The following ABCC1 variants were observed in gnomAD, a reference collection of about 807,000 sequenced individuals.
ABCC1 encodes the protein multidrug resistance-associated protein 1.
Under a neutral mutation model 172.9 loss-of-function variants are expected in ABCC1, and 83 were observed. The observed-to-expected ratio is 0.48, with a 90% CI of 0.40 to 0.58. The LOEUF is 0.58. Among genes scored for constraint, ABCC1 ranks in the 20% least tolerant of loss-of-function variants. ABCC1 has a pLI of 0.00. For missense variants in ABCC1, 1,817 were observed against 2,002.7 expected (o/e 0.91, Z 1.77); for synonymous variants, 937 against 825.2 (o/e 1.14, Z -2.32).
intron 15 of ABCC1, among the ~76,000 whole-genome samples, chr16:16,077,783 G>C (rs1313928386): frequency 6.6e-6 from 1 of 152,230 alleles, no homozygotes; most frequent in African/African-American, 2.4e-5. Context: ...AGCACTTTGG[G>C]AGGCCAAGGT....
intron 1 of ABCC1, among the ~76,000 whole-genome samples, chr16:15,953,058 G>A (rs2045912820): frequency 6.6e-6 from 1 of 151,676 alleles, no homozygotes; most frequent in African/African-American, 2.4e-5. Flanking sequence ...AAAGAGGGCC[G>A]GGTGTAGTAG....
intron 21 of ABCC1, among the ~76,000 whole-genome samples, chr16:16,108,913 C>T (rs190652357): frequency 1.3e-5 from 2 of 151,778 alleles, no homozygotes; most frequent in East Asian, 2.0e-4. Context: ...ATTTCTGACC[C>T]CCGAGCCCAC....
chr16:16,088,401 C>T lies in ABCC1; in HGVS notation c.2460+1410C>T, dbSNP rs112492142. ...TGGAGGTTGCAGTGAGCTGAGATTG[C>T]GCCACTGCACTCTAGCCTGGGTAAC... On this transcript the variant is annotated intron_variant, in intron 18 of 30. Coordinates refer to ENST00000399410, the MANE Select transcript of ABCC1 (RefSeq NM_004996.4). Among the ~76,000 whole-genome samples, 749 of 152,224 alleles carry T rather than the reference C, an allele frequency of 4.9e-3. 3 individuals carry two copies. The highest frequency in any genetic ancestry group is 0.017 in the African/African-American group (709 of 41,542).
At chr16:15,978,205 TA>T (rs1329714419) in intron 1 of ABCC1, among the ~76,000 whole-genome samples, 3 of 151,802 alleles carry the variant, frequency 2.0e-5, no homozygotes, top group Non-Finnish European at 4.4e-5. Context: ...CCACATCTCT[TA>T]AAAAAAATTT....
At chr16:15,995,547 T>C (rs572424124) in intron 1 of ABCC1, among the ~76,000 whole-genome samples, 1 of 151,058 alleles carries the variant, frequency 6.6e-6, no homozygotes, top group East Asian at 2.0e-4. Flanking sequence ...TTTTGGCCGC[T>C]TTGCATAAAG....
chr16:16,101,442 C>A (rs1209041228), intron 19 of ABCC1, among the ~76,000 whole-genome samples: 5 of 152,208 alleles, frequency 3.3e-5, no homozygotes, highest in African/African-American at 1.2e-4. Flanking sequence ...GCCCCCTCTT[C>A]CCTTCCAGGT....
chr16:16,102,746 A>G (rs746044906), intron 20 of ABCC1, 29 bp downstream of exon 20: 2 of 1,550,580 alleles, frequency 1.3e-6, no homozygotes, highest in Admixed American at 2.0e-5. Flanking sequence ...GCCCCAACCT[A>G]AGGACCCTGC....
chr16:16,065,208 T>G (rs1483976492), intron 12 of ABCC1, among the ~76,000 whole-genome samples: 1 of 152,060 alleles, frequency 6.6e-6, no homozygotes, highest in Non-Finnish European at 1.5e-5. Flanking sequence ...GGGATCTGAG[T>G]CAGCACTTTG....
chr16:16,124,312 G>A (rs2045307317), intron 24 of ABCC1, among the ~76,000 whole-genome samples: 2 of 36,862 alleles, frequency 5.4e-5, no homozygotes, highest in Admixed American at 6.9e-4. Flanking sequence ...TGTTGTTAAT[G>A]CACTGTGTGT....
chr16:16,107,814 G>GT (rs983433060), intron 21 of ABCC1, among the ~76,000 whole-genome samples: 25 of 150,878 alleles, frequency 1.7e-4, no homozygotes, highest in Admixed American at 4.6e-4. Flanking sequence ...AATAAATGTG[G>GT]TTTTTTTTGT....
intron 5 of ABCC1, among the ~76,000 whole-genome samples, chr16:16,029,770 C>CT (rs1387798686): frequency 6.6e-6 from 1 of 152,152 alleles, no homozygotes; most frequent in Non-Finnish European, 1.5e-5. Flanking sequence ...AATTCCAGCA[C>CT]TTTGGGAAGC....
At chr16:15,982,504 C>A (rs868448723) in intron 1 of ABCC1, among the ~76,000 whole-genome samples, 2 of 151,968 alleles carry the variant, frequency 1.3e-5, no homozygotes, top group South Asian at 4.1e-4. Context: ...TTCACTGTCA[C>A]AAGAACAGCA....
At chr16:15,984,447 A>T (rs1202304695) in intron 1 of ABCC1, among the ~76,000 whole-genome samples, 3 of 38,664 alleles carry the variant, frequency 7.8e-5, no homozygotes, top group African/African-American at 9.5e-5. Context: ...CTTGATATAT[A>T]CTTTTTTTTT....
intron 14 of ABCC1, among the ~76,000 whole-genome samples, chr16:16,074,070 A>C (rs1400437538): frequency 6.6e-6 from 1 of 152,204 alleles, no homozygotes; most frequent in Non-Finnish European, 1.5e-5. Flanking sequence ...TCTTCAGCTC[A>C]GCCCCCTGGT....
Position 16,131,920 on chromosome 16 carries a change from C to T in ABCC1, c.3951C>T (p.Ile1317=). 1.2e-6 allele frequency: 2 copies of T among 1,613,908 alleles called. No individual in the cohort carries two copies. The highest frequency in any genetic ancestry group is 1.7e-6 in the Non-Finnish European group (2 of 1,179,926). ...DFVLRHINVT[I]NGGEKVGIVG... ...TTCTCAGGCACATCAATGTCACGAT[C>T]AATGGGGGAGAAAAGGTGGGTACAC... The change falls in exon 27 of 31, where the codon ATC becomes ATT. Residue 1317 remains isoleucine, a synonymous_variant. Transcript: ENST00000399410.
At chr16:15,986,191 T>C (rs1458779777) in intron 1 of ABCC1, among the ~76,000 whole-genome samples, 1 of 152,096 alleles carries the variant, frequency 6.6e-6, no homozygotes, top group African/African-American at 2.4e-5. Flanking sequence ...TGCCTCAGCC[T>C]CCCAAAGTGG....
chr16:16,116,771 G>A (rs1369742799), intron 23 of ABCC1, among the ~76,000 whole-genome samples: 1 of 152,060 alleles, frequency 6.6e-6, no homozygotes, highest in Non-Finnish European at 1.5e-5. Flanking sequence ...TGTTGGCCAG[G>A]CTAGTCTCAA....
chr16:16,038,469 G>C (rs921242050), intron 7 of ABCC1, among the ~76,000 whole-genome samples: 2 of 152,164 alleles, frequency 1.3e-5, no homozygotes, highest in Non-Finnish European at 2.9e-5. Flanking sequence ...ATGACATCCT[G>C]GCTGCAGAAG....
At chr16:16,096,664 T>A (rs1008194019) in intron 19 of ABCC1, among the ~76,000 whole-genome samples, 1 of 152,194 alleles carries the variant, frequency 6.6e-6, no homozygotes, top group African/African-American at 2.4e-5. Flanking sequence ...GTGAGTTGAA[T>A]TCTTCCCTCC....
Sources: allele counts gnomAD v4.1 joint callset (sites outside exome capture counted in the v4.1 genomes callset), GRCh38; gene constraint gnomAD v4.1.1; transcripts MANE v1.5; gene names NCBI Gene and HGNC (gene_info 2026-07-23, HGNC 2026-07-21).